PEA15: variants seen among roughly 807,000 people sequenced by gnomAD.
The protein encoded by PEA15 is proliferation and apoptosis adaptor protein 15.
For missense variants in PEA15, 77 were observed against 161.3 expected (o/e 0.48, Z 2.83); for synonymous variants, 60 against 61.8 (o/e 0.97, Z 0.13).
rs1294591252 is a variant in PEA15, at chr1:160,213,390, C to T, written c.329-32C>T. 3 of 1,613,116 alleles carry T rather than the reference C, an allele frequency of 1.9e-6. No individual in the cohort carries two copies. The highest frequency in any genetic ancestry group is 2.5e-6 in the Non-Finnish European group (3 of 1,179,062). On this transcript the variant is annotated intron_variant, in intron 3 of 3. Transcript: ENST00000360472. The surrounding 1 kb of genome is among the most constrained non-coding windows in gnomAD (Gnocchi z 5.3). ...GGCCTGCCTGGCATCTCCCACACTG[C>T]TGTCCCTGGACACATACCTTTTTGC... is the stretch of plus-strand genomic sequence containing the variant.
At position 160,214,584 on chromosome 1, in the gene PEA15, GCTAA is replaced by G. The variant is rs777485199; in HGVS notation, c.*1101_*1104del. ...AGATGCCCCTCCCCACCCTGACCGT[GCTAA>G]CTGTGTGTACATATATATTCTACAT... is the stretch of plus-strand genomic sequence containing the variant. On this transcript the variant is annotated 3_prime_UTR_variant, in exon 4 of 4. Coordinates refer to ENST00000360472, the MANE Select transcript of PEA15 (RefSeq NM_003768.5). 2.0e-5 allele frequency: 3 copies of G among 152,532 alleles called. No individual in the cohort carries two copies. The highest frequency in any genetic ancestry group is 2.4e-5 in the African/African-American group (1 of 41,374). 9.4% of individuals were successfully genotyped at this position (152,532 alleles called of 1,614,324 possible).
intron 1 of PEA15, among the ~76,000 whole-genome samples, chr1:160,210,650 G>A (rs758340213): frequency 1.4e-4 from 22 of 152,172 alleles, no homozygotes; most frequent in Non-Finnish European, 2.6e-4. Context: ...GATACGATAC[G>A]AGAAGGGGGG....
Position 160,208,510 on chromosome 1 carries a change from C to T in PEA15, c.-3+2988C>T. On this transcript the variant is annotated intron_variant, in intron 1 of 3. Transcript: ENST00000360472. The surrounding 1 kb of genome is among the most constrained non-coding windows in gnomAD (Gnocchi z 4.1). ...CTGGTGATCCCTGAGCAGCTCTCTG[C>T]ACTGCTCCAGAAATCAGGAGGATTT... 8.9e-7 allele frequency: 1 copy of T among 1,125,776 alleles called. No homozygotes were observed. Among genetic ancestry groups the T allele is most frequent in the Non-Finnish European group, 1.3e-6 (1 of 764,044 alleles). 69.7% of individuals were successfully genotyped at this position (1,125,776 alleles called of 1,614,324 possible). A position where few individuals can be genotyped will look rare whatever the true frequency, so the allele number is the denominator to read the frequency against.
Position 160,208,540 on chromosome 1 carries a change from G to T in PEA15, c.-2-3003G>T. 2 of 1,412,962 alleles carry T rather than the reference G, an allele frequency of 1.4e-6. No homozygotes were observed. The highest frequency in any genetic ancestry group is 2.0e-6 in the Non-Finnish European group (2 of 1,022,128). The allele number at this position is 1,412,962 out of a possible 1,614,324, so 87.5% of individuals were successfully genotyped here. On this transcript the variant is annotated intron_variant, in intron 1 of 3. Coordinates refer to ENST00000360472, the MANE Select transcript of PEA15 (RefSeq NM_003768.5). This position sits in a 1 kb window ranked among gnomAD's most constrained non-coding sequence, Gnocchi z 4.1. ...CTCCAGAAATCAGGAGGATTTTTCA[G>T]AGCCCAGAGAGCAGATTTCTCCACG...
chr1:160,214,692 G>C lies in PEA15; in HGVS notation c.*1206G>C, dbSNP rs749501763. On this transcript the variant is annotated 3_prime_UTR_variant, in exon 4 of 4. Coordinates refer to ENST00000360472, the MANE Select transcript of PEA15 (RefSeq NM_003768.5). The stretch of plus-strand genomic sequence containing the variant: ...ATTAACTTATTGTCTAGGCCAGAGC[G>C]GGGGTGGGAGGGGAATGCCACAGTG... 1 of 152,634 alleles carries C rather than the reference G, an allele frequency of 6.6e-6. No homozygotes were observed. Among genetic ancestry groups the C allele is most frequent in the African/African-American group, 2.4e-5 (1 of 41,456 alleles). The allele number at this position is 152,634 out of a possible 1,614,324, so 9.5% of individuals were successfully genotyped here.
Position 160,211,648 on chromosome 1 carries a change from A to G in PEA15, c.104A>G (p.Lys35Arg), listed in dbSNP as rs1361444932. 1 of 1,614,058 alleles carries G rather than the reference A, an allele frequency of 6.2e-7. No homozygotes were observed. The highest frequency in any genetic ancestry group is 1.7e-5 in the Admixed American group (1 of 60,002). Residue 35 changes from lysine to arginine, a missense_variant, in exon 2 of 4, where the codon AAG (lysine) becomes AGG (arginine). Transcript: ENST00000360472. ...TGCAAGGAAGACATCCCCAGCGAAA[A>G]GAGTGAGGAGATCACTACTGGCAGT... ...SACKEDIPSE[K>R]SEEITTGSAW...
At chr1:160,212,767 A>T (rs1369905441) in intron 2 of PEA15, among the ~76,000 whole-genome samples, 2 of 70,800 alleles carry the variant, frequency 2.8e-5, no homozygotes, top group African/African-American at 5.7e-5. Context: ...AAAGTGGAAA[A>T]GGATGGGGGT....
At chr1:160,212,048 T>A (rs1364079341) in intron 2 of PEA15, among the ~76,000 whole-genome samples, 2 of 152,196 alleles carry the variant, frequency 1.3e-5, no homozygotes, top group African/African-American at 4.8e-5. Context: ...GAACTCGAAG[T>A]GTAATCTAAC....
At position 160,213,404 on chromosome 1, in the gene PEA15, A is replaced by G. The variant is rs757832984; in HGVS notation, c.329-18A>G. The stretch of plus-strand genomic sequence containing the variant: ...CTCCCACACTGCTGTCCCTGGACAC[A>G]TACCTTTTTGCCCCCAGACATTATC... On this transcript the variant is annotated intron_variant, in intron 3 of 3. Coordinates refer to ENST00000360472, the MANE Select transcript of PEA15 (RefSeq NM_003768.5). The surrounding 1 kb of genome is among the most constrained non-coding windows in gnomAD (Gnocchi z 5.3). The G allele has an allele frequency of 5.0e-6, 8 of 1,613,992 alleles. No individual in the cohort carries two copies. The highest frequency in any genetic ancestry group is 2.2e-5 in the East Asian group (1 of 44,894).
intron 2 of PEA15, 151 bp downstream of exon 2, chr1:160,211,867 G>A: frequency 1.6e-6 from 1 of 640,616 alleles, no homozygotes; most frequent in South Asian, 2.9e-5. Flanking sequence ...GGGGGCCTTA[G>A]ACATTTTTCA....
rs747261697 is a variant in PEA15 at position 160,213,452 on chromosome 1, T to A, written c.359T>A (p.Ile120Asn). 19 of 1,613,690 alleles carry A rather than the reference T, an allele frequency of 1.2e-5. No homozygotes were observed. Among genetic ancestry groups the A allele is most frequent in the Non-Finnish European group, 1.5e-5 (18 of 1,179,958 alleles). The change falls in exon 4 of 4, where the codon ATC (isoleucine) becomes AAC (asparagine). Residue 120 changes from isoleucine (I) to asparagine (N), a missense_variant. By Grantham distance (149) the Ile-to-Asn change is moderately radical. Transcript: ENST00000360472. The surrounding 1 kb of genome is among the most constrained non-coding windows in gnomAD (Gnocchi z 5.3). ...DIIRQPSEEE[I>N]IKLAPPPKKA The stretch of plus-strand genomic sequence containing the variant: ...ATCCGGCAGCCCTCTGAGGAAGAGA[T>A]CATCAAATTGGCTCCCCCACCGAAG...
intron 1 of PEA15, among the ~76,000 whole-genome samples, chr1:160,209,894 ACAGT>A (rs1415533842): frequency 1.3e-5 from 2 of 152,200 alleles, no homozygotes; most frequent in Non-Finnish European, 2.9e-5. Context: ...CCTGGTGCTG[ACAGT>A]CAGAGAGCAT....
At position 160,208,643 on chromosome 1, in the gene PEA15, A is replaced by G. The variant is rs956349926; in HGVS notation, c.-2-2900A>G. The stretch of plus-strand genomic sequence containing the variant: ...GAAACAAGCTCTGCCAAGCCCCACC[A>G]TGGCCAGGCCAGACCAGCCCAGGTA... On this transcript the variant is annotated intron_variant, in intron 1 of 3. Coordinates refer to ENST00000360472, the MANE Select transcript of PEA15 (RefSeq NM_003768.5). This position sits in a 1 kb window ranked among gnomAD's most constrained non-coding sequence, Gnocchi z 4.1. 3 of 1,550,386 alleles carry G rather than the reference A, an allele frequency of 1.9e-6. No individual in the cohort carries two copies. Among genetic ancestry groups the G allele is most frequent in the African/African-American group, 1.4e-5 (1 of 73,040 alleles).
chr1:160,210,047 G>A lies in PEA15; in HGVS notation c.-2-1496G>A, dbSNP rs528945390. Among the ~76,000 whole-genome samples, 15 of 152,322 alleles carry A rather than the reference G, an allele frequency of 9.8e-5. No individual in the cohort carries two copies. In the South Asian group the frequency reaches 2.9e-3, roughly 29 times the overall value. ...CTCCTGTCTGGCTCATTGTCTGCCT[G>A]TGTCATGGTGCCTGCCACCAAGGGA... On this transcript the variant is annotated intron_variant, in intron 1 of 3. Transcript: ENST00000360472.
Position 160,208,472 on chromosome 1 carries a change from C to A in PEA15, c.-3+2950C>A. 1 of 798,744 alleles carries A rather than the reference C, an allele frequency of 1.3e-6. No homozygotes were observed. 49.5% of individuals were successfully genotyped at this position (798,744 alleles called of 1,614,324 possible). Reference sequence around the variant, plus strand: ...TGGTATCCTGTCCCAAGAATGGCCTCCGCCCAGACTGCCTGGTGATCCCTG... The same window carrying A: ...TGGTATCCTGTCCCAAGAATGGCCTACGCCCAGACTGCCTGGTGATCCCTG... On this transcript the variant is annotated intron_variant, in intron 1 of 3. Coordinates refer to ENST00000360472, the MANE Select transcript of PEA15 (RefSeq NM_003768.5). This position sits in a 1 kb window ranked among gnomAD's most constrained non-coding sequence, Gnocchi z 4.1.
intron 2 of PEA15, among the ~76,000 whole-genome samples, chr1:160,212,902 T>C (rs927900846): frequency 6.6e-6 from 1 of 152,176 alleles, no homozygotes; most frequent in African/African-American, 2.4e-5. Flanking sequence ...TGACCAACTA[T>C]CTGCCCTTCC....
chr1:160,212,145 C>G (rs1199910629), intron 2 of PEA15, among the ~76,000 whole-genome samples: 2 of 152,148 alleles, frequency 1.3e-5, no homozygotes, highest in Non-Finnish European at 2.9e-5. Flanking sequence ...TTCTTATCCA[C>G]TTTGAGAGAC....
chr1:160,207,114 A>AG (rs1654633276), intron 1 of PEA15: 1 of 152,268 alleles, frequency 6.6e-6, no homozygotes, highest in South Asian at 2.1e-4. Flanking sequence ...GACCAAACTT[A>AG]CTCTGTCTTT....
intron 1 of PEA15, among the ~76,000 whole-genome samples, chr1:160,207,708 T>TA (rs1654661743): frequency 6.6e-6 from 1 of 152,016 alleles, no homozygotes; most frequent in South Asian, 2.1e-4. Flanking sequence ...CAAAGCTGGA[T>TA]AAAAAGCTTA....
Sources: allele counts gnomAD v4.1 joint callset (sites outside exome capture counted in the v4.1 genomes callset), GRCh38; gene constraint gnomAD v4.1.1; non-coding constraint Gnocchi (gnomAD v3.1); transcripts MANE v1.5; gene names NCBI Gene and HGNC (gene_info 2026-07-23, HGNC 2026-07-21).